The following PIK3R6 variants were observed in gnomAD, a reference collection of about 807,000 sequenced individuals.
PIK3R6 encodes the protein phosphoinositide 3-kinase regulatory subunit 6.
PIK3R6 carries 91 observed loss-of-function variants against 84.9 expected under a neutral mutation model. The observed-to-expected ratio is 1.07, with a 90% CI of 0.90 to 1.28. PIK3R6 has a LOEUF of 1.28. Among genes scored for constraint, PIK3R6 ranks in the 50% most tolerant of loss-of-function variants. The pLI, the probability that PIK3R6 is intolerant of heterozygous loss-of-function variation, is 0.00. For synonymous variants in PIK3R6, 416 were observed against 411.4 expected (o/e 1.01, Z -0.13); for missense variants, 996 against 985.1 (o/e 1.01, Z -0.15).
At position 8,862,283 on chromosome 17, in the gene PIK3R6, T is replaced by C. The variant is rs2089303047; in HGVS notation, c.-92+5246A>G. 6.6e-6 allele frequency among the ~76,000 whole-genome samples: 1 copy of C among 152,228 alleles called. No homozygotes were observed. Among genetic ancestry groups the C allele is most frequent in the African/African-American group, 2.4e-5 (1 of 41,464 alleles). ...AGTCCCCATTACCTGACACTGTTTA[T>C]ACCACATGGAAGGCCCTTGATAAAT... is the stretch of plus-strand genomic sequence containing the variant. On this transcript the variant is annotated intron_variant, in intron 1 of 19. Coordinates refer to ENST00000619866, the MANE Select transcript of PIK3R6 (RefSeq NM_001010855.4). The surrounding 1 kb of genome is among the most constrained non-coding windows in gnomAD (Gnocchi z 4.3).
rs201923172 is a variant in PIK3R6 at position 8,832,979 on chromosome 17, T to C, written c.712A>G (p.Ser238Gly). 1.5e-4 allele frequency: 247 copies of C among 1,611,876 alleles called. 1 individual carries two copies. Among genetic ancestry groups the C allele is most frequent in the Non-Finnish European group, 1.9e-4 (219 of 1,179,638 alleles). ...CCCTCCCGGCTCGGGCTGGCCTCGC[T>C]GGCCATCTGCTCCAAGGCGGCCACC... ...AVVAALEQMA[S>G]EASPSREGHV... Residue 238 changes from serine to glycine, a missense_variant, in exon 9 of 20, where the codon AGC becomes GGC. Coordinates refer to ENST00000619866, the MANE Select transcript of PIK3R6 (RefSeq NM_001010855.4).
At chr17:8,859,704 C>T (rs1368517133) in intron 1 of PIK3R6, among the ~76,000 whole-genome samples, 1 of 152,186 alleles carries the variant, frequency 6.6e-6, no homozygotes, top group Non-Finnish European at 1.5e-5. Flanking sequence ...TGCCCTTGGA[C>T]AAAATCAGCG....
chr17:8,828,162 T>C lies in PIK3R6; in HGVS notation c.1342A>G (p.Thr448Ala). ...TAGAGCTGCAGGCTGAGTCTGGGAGTGAGGCAGAACTTCTGGGTCTCCCGT... is the reference window on the plus strand; with the variant it reads ...TAGAGCTGCAGGCTGAGTCTGGGAGCGAGGCAGAACTTCTGGGTCTCCCGT... Reference protein sequence around the residue: ...RKRETQKFCLTPRLSLQLYYI... With the variant: ...RKRETQKFCLAPRLSLQLYYI... Residue 448 changes from threonine (T) to alanine (A), a missense_variant, in exon 12 of 20, where the codon ACT becomes GCT. Thr to Ala is a moderately conservative substitution (Grantham distance 58). Coordinates refer to ENST00000619866, the MANE Select transcript of PIK3R6 (RefSeq NM_001010855.4). The C allele has an allele frequency of 2.5e-6, 4 of 1,613,824 alleles. No individual in the cohort carries two copies. The highest frequency in any genetic ancestry group is 3.4e-6 in the Non-Finnish European group (4 of 1,179,846).
chr17:8,832,748 G>A (rs1597407570), intron 9 of PIK3R6, 141 bp downstream of exon 9: 1 of 1,283,002 alleles, frequency 7.8e-7, no homozygotes, highest in Non-Finnish European at 1.1e-6. Context: ...CCCCCAGGCT[G>A]CCCCCAGTCC....
chr17:8,860,277 C>T (rs1337060898), intron 1 of PIK3R6, among the ~76,000 whole-genome samples: 3 of 147,456 alleles, frequency 2.0e-5, no homozygotes, highest in East Asian at 1.9e-4. Context: ...GCCTGAGCTC[C>T]GCCTCCTGGG....
chr17:8,822,594 T>G lies in PIK3R6; in HGVS notation c.1781A>C (p.Tyr594Ser), dbSNP rs1344782685. 2.5e-6 allele frequency: 4 copies of G among 1,613,956 alleles called. No individual in the cohort carries two copies. In the East Asian group the frequency reaches 8.9e-5, roughly 36 times the overall value. Residue 594 changes from tyrosine to serine, a missense_variant, in exon 16 of 20, where the codon TAC becomes TCC. Tyr to Ser is a moderately radical substitution (Grantham distance 144). Transcript: ENST00000619866. ...ACGTCCATGCACACTGACCTTCTGG[T>G]AGCATAGGGAGAGCTCTGCCCCTGG... Reference protein sequence around the residue: ...EGPGAELSLCYQKALLSHRPR... With the variant: ...EGPGAELSLCSQKALLSHRPR...
intron 18 of PIK3R6, among the ~76,000 whole-genome samples, chr17:8,805,636 C>A (rs2087181951): frequency 6.6e-6 from 1 of 151,980 alleles, no homozygotes; most frequent in Non-Finnish European, 1.5e-5. Flanking sequence ...GGCACCTTGG[C>A]CGGGCGCGGT....
In PIK3R6 at chr17:8,843,230, T is replaced by C. The variant is rs575592225; in HGVS notation, c.14-3533A>G. 2.6e-5 allele frequency among the ~76,000 whole-genome samples: 4 copies of C among 152,332 alleles called. No individual in the cohort carries two copies. The South Asian group carries it at 8.3e-4, about 32-fold the overall frequency. ...GAAGATTTAATGAGTTAATGCAGGA[T>C]GAGTTATTAGAAAATTAGCTGGTGC... On this transcript the variant is annotated intron_variant, in intron 2 of 19. Transcript: ENST00000619866.
At position 8,819,689 on chromosome 17, in the gene PIK3R6, TACAC is replaced by T. The variant is rs59882941; in HGVS notation, c.1880-495_1880-492del. Among the ~76,000 whole-genome samples, 1,173 of 135,842 alleles carry T rather than the reference TACAC, an allele frequency of 8.6e-3. 21 individuals carry two copies. The highest frequency in any genetic ancestry group is 0.032 in the African/African-American group (1,111 of 34,690). 89.1% of individuals were successfully genotyped at this position (135,842 alleles called of 152,430 possible). A position where few individuals can be genotyped will look rare whatever the true frequency, so the allele number is the denominator to read the frequency against. ...TTTTGTGCATATATATATATATATA[TACAC>T]ACACACACACACACATATATATACA... On this transcript the variant is annotated intron_variant, in intron 17 of 19. Coordinates refer to ENST00000619866, the MANE Select transcript of PIK3R6 (RefSeq NM_001010855.4).
intron 6 of PIK3R6, 26 bp from the exon 7 acceptor site, chr17:8,836,642 A>T: frequency 2.5e-6 from 4 of 1,613,822 alleles, no homozygotes; most frequent in Non-Finnish European, 3.4e-6. Context: ...CTTTGGCCAA[A>T]CAGCCCCCAA....
At chr17:8,851,199 C>CA (rs1184243584) in intron 1 of PIK3R6, among the ~76,000 whole-genome samples, 3 of 150,622 alleles carry the variant, frequency 2.0e-5, no homozygotes, top group African/African-American at 7.3e-5. Context: ...AAAACAAAAA[C>CA]AAAAAAACAA....
intron 1 of PIK3R6, among the ~76,000 whole-genome samples, chr17:8,866,584 C>G (rs1042370012): frequency 2.0e-5 from 3 of 152,066 alleles, no homozygotes; most frequent in African/African-American, 4.8e-5. Flanking sequence ...CCACACACCC[C>G]CTCTAGCTGT....
At chr17:8,824,778 C>G (rs2087864340) in intron 13 of PIK3R6, among the ~76,000 whole-genome samples, 1 of 152,008 alleles carries the variant, frequency 6.6e-6, no homozygotes, top group Admixed American at 6.6e-5. Context: ...ATTTTAATAC[C>G]CAGCTAAATG....
At position 8,819,066 on chromosome 17, in the gene PIK3R6, G is replaced by C; in HGVS notation, c.1995+17C>G. ...CCCAGCTGGCTGTCTCCCTTTCCCA[G>C]TCTACTCAGTACTTACAGAGAAGGA... On this transcript the variant is annotated intron_variant, in intron 18 of 19. Coordinates refer to ENST00000619866, the MANE Select transcript of PIK3R6 (RefSeq NM_001010855.4). The C allele has an allele frequency of 1.3e-6, 2 of 1,552,850 alleles. No homozygotes were observed. The highest frequency in any genetic ancestry group is 2.7e-5 in the African/African-American group (2 of 74,016).
At chr17:8,831,423 T>G (rs12944446) in intron 9 of PIK3R6, among the ~76,000 whole-genome samples, 31,612 of 150,006 alleles carry the variant, frequency 0.21, 4,083 homozygotes, top group African/African-American at 0.34. Flanking sequence ...CAGATGGTCT[T>G]AATTAATCCA....
intron 18 of PIK3R6, among the ~76,000 whole-genome samples, chr17:8,804,472 C>T (rs1014236785): frequency 1.3e-5 from 2 of 152,268 alleles, no homozygotes; most frequent in East Asian, 1.9e-4. Context: ...CAACATTTTC[C>T]GAGCACCTCC....
chr17:8,860,935 G>A (rs867052863), intron 1 of PIK3R6, among the ~76,000 whole-genome samples: 2 of 150,472 alleles, frequency 1.3e-5, no homozygotes, highest in East Asian at 3.9e-4. Context: ...GCACGGTCAC[G>A]CCTGTAATCA....
intron 10 of PIK3R6, 94 bp from the exon 11 acceptor site, chr17:8,829,084 CAGAA>C: frequency 8.4e-7 from 1 of 1,184,838 alleles, no homozygotes; most frequent in Non-Finnish European, 1.2e-6. Flanking sequence ...TACACACACA[CAGAA>C]ACACAGACAG....
chr17:8,809,640 A>T (rs1006906716), intron 18 of PIK3R6, among the ~76,000 whole-genome samples: 23 of 152,140 alleles, frequency 1.5e-4, no homozygotes, highest in African/African-American at 3.9e-4. Flanking sequence ...ACAAAAAATT[A>T]AAAAATTAGC....
Sources: gnomAD v4.1 joint callset for allele counts (sites outside exome capture counted in the v4.1 genomes callset) on GRCh38, gnomAD v4.1.1 for gene constraint, Gnocchi (gnomAD v3.1) non-coding constraint, MANE v1.5 for transcripts, NCBI Gene and HGNC (gene_info 2026-07-23, HGNC 2026-07-21) for gene names.